TRAF3IP1: variants seen among roughly 807,000 people sequenced by gnomAD.
TRAF3IP1 encodes TRAF3-interacting protein 1.
A neutral mutation model predicts 89.9 loss-of-function variants in TRAF3IP1; 53 were observed. That is an observed-to-expected ratio of 0.59 (90% CI 0.47 to 0.74). The LOEUF (loss-of-function observed/expected upper bound fraction) is 0.74, where lower values mean the gene tolerates loss of function less well. Ranked by LOEUF, TRAF3IP1 falls within the 30% of genes least tolerant of loss-of-function variation. The pLI, the probability that TRAF3IP1 is intolerant of heterozygous loss-of-function variation, is 0.00. For synonymous variants in TRAF3IP1, 311 were observed against 322.1 expected (o/e 0.97, Z 0.37); for missense variants, 806 against 866.1 (o/e 0.93, Z 0.87).
At chr2:238,374,348 C>T (rs1442034996) in intron 15 of TRAF3IP1, among the ~76,000 whole-genome samples, 2 of 151,650 alleles carry the variant, frequency 1.3e-5, no homozygotes, top group Non-Finnish European at 3.0e-5. Flanking sequence ...GAAGGGCTGT[C>T]GAGTTTGGTC....
chr2:238,329,314 A>C lies in TRAF3IP1; in HGVS notation c.887A>C (p.Asn296Thr), dbSNP rs147990540. 5.3e-4 allele frequency: 749 copies of C among 1,406,114 alleles called. 1 individual carries two copies. The highest frequency in any genetic ancestry group is 6.7e-4 in the Non-Finnish European group (723 of 1,073,844). The allele number at this position is 1,406,114 out of a possible 1,614,324, so 87.1% of individuals were successfully genotyped here. Residue 296 changes from asparagine to threonine, a missense_variant, in exon 5 of 17, where the codon AAC (asparagine) becomes ACC (threonine). Transcript: ENST00000373327. ...TCCTGGGACCTGGACAGGGAGAAGA[A>C]CAGAGAGCATGACAAACCTGAGAAA... The part of the protein sequence containing the change: ...EHSWDLDREK[N>T]REHDKPEKKS...
chr2:238,355,074 T>C (rs1276982030), intron 14 of TRAF3IP1, among the ~76,000 whole-genome samples: 1 of 152,214 alleles, frequency 6.6e-6, no homozygotes, highest in Non-Finnish European at 1.5e-5. Context: ...TGCTTGCCAA[T>C]TGGATATCAC....
chr2:238,320,864 G>A, intron 1 of TRAF3IP1, 79 bp downstream of exon 1: 1 of 1,171,762 alleles, frequency 8.5e-7, no homozygotes, highest in South Asian at 3.4e-5. Flanking sequence ...GGGCCGGGTG[G>A]CGCCGGGTGC....
Position 238,349,323 on chromosome 2 carries a change from A to G in TRAF3IP1, c.1368-2A>G. The G allele has an allele frequency of 1.2e-6, 2 of 1,614,086 alleles. No homozygotes were observed. The highest frequency in any genetic ancestry group is 1.7e-6 in the Non-Finnish European group (2 of 1,179,998). Reference sequence around the variant, plus strand: ...TTTTGGTTTTCCAATATTTGGGTTTAGAAGAATTCCTCGGCCTGGGAGTGC... The same window carrying G: ...TTTTGGTTTTCCAATATTTGGGTTTGGAAGAATTCCTCGGCCTGGGAGTGC... On this transcript the variant is annotated splice_acceptor_variant, in intron 11 of 16. Coordinates refer to ENST00000373327, the MANE Select transcript of TRAF3IP1 (RefSeq NM_015650.4). LOFTEE classifies it high-confidence loss of function.
intron 15 of TRAF3IP1, among the ~76,000 whole-genome samples, chr2:238,359,797 C>T (rs1321620204): frequency 6.6e-6 from 1 of 152,192 alleles, no homozygotes; most frequent in African/African-American, 2.4e-5. Context: ...ATGCCTGAGA[C>T]TGTGGATAGT....
chr2:238,352,977 TTAA>T, intron 13 of TRAF3IP1, 27 bp downstream of exon 13: 1 of 1,595,510 alleles, frequency 6.3e-7, no homozygotes, highest in Non-Finnish European at 8.5e-7. Flanking sequence ...ATGATGTTTT[TTAA>T]TAATAATGTT....
At chr2:238,386,837 T>G (rs924415070) in intron 15 of TRAF3IP1, among the ~76,000 whole-genome samples, 8 of 152,220 alleles carry the variant, frequency 5.3e-5, no homozygotes, top group Admixed American at 3.9e-4. Context: ...TTACGCTGGC[T>G]TAACACATAA....
At chr2:238,376,925 C>T (rs890757908) in intron 15 of TRAF3IP1, among the ~76,000 whole-genome samples, 2 of 152,098 alleles carry the variant, frequency 1.3e-5, no homozygotes, top group African/African-American at 2.4e-5. Flanking sequence ...GAGACTCGGG[C>T]ACTGTTGTTA....
Position 238,384,611 on chromosome 2 carries a change from C to G in TRAF3IP1, c.1690-12848C>G, listed in dbSNP as rs191874809. On this transcript the variant is annotated intron_variant, in intron 15 of 16. Coordinates refer to ENST00000373327, the MANE Select transcript of TRAF3IP1 (RefSeq NM_015650.4). The stretch of plus-strand genomic sequence containing the variant: ...TGTTGGCCAGGCTGGTCTTGAGCTC[C>G]TGACCTTGTGATCTGCCCGCCTCAG... 2.8e-3 allele frequency among the ~76,000 whole-genome samples: 419 copies of G among 149,000 alleles called. 8 individuals are homozygous for G. The East Asian group carries it at 0.037, about 13-fold the overall frequency.
In TRAF3IP1 at chr2:238,374,498, CT is replaced by C. The variant is rs761939233; in HGVS notation, c.1689+18426del. On this transcript the variant is annotated intron_variant, in intron 15 of 16. Coordinates refer to ENST00000373327, the MANE Select transcript of TRAF3IP1 (RefSeq NM_015650.4). ...AGCCAACTTGACCATGGTGGATAAGCTTTTTTTTGATGTGCTGCTGGATTTG... is the reference window on the plus strand; with the variant it reads ...AGCCAACTTGACCATGGTGGATAAGCTTTTTTTGATGTGCTGCTGGATTTG... Among the ~76,000 whole-genome samples the C allele has an allele frequency of 2.9e-3, 442 of 152,040 alleles. 6 individuals carry two copies. The highest frequency in any genetic ancestry group is 4.2e-3 in the South Asian group (20 of 4,802).
chr2:238,373,546 TA>T (rs1350178799), intron 15 of TRAF3IP1, among the ~76,000 whole-genome samples: 3 of 152,232 alleles, frequency 2.0e-5, no homozygotes, highest in African/African-American at 7.2e-5. Context: ...CCTTGTAGTA[TA>T]GTTTGAAGTC....
At chr2:238,392,506 G>A (rs1701035441) in intron 15 of TRAF3IP1, among the ~76,000 whole-genome samples, 1 of 151,738 alleles carries the variant, frequency 6.6e-6, no homozygotes, top group African/African-American at 2.4e-5. Flanking sequence ...AACCTCTTGG[G>A]ATTCACTTTT....
intron 15 of TRAF3IP1, among the ~76,000 whole-genome samples, chr2:238,396,378 G>T (rs1334632682): frequency 8.5e-6 from 1 of 117,150 alleles, no homozygotes; most frequent in African/African-American, 3.3e-5. Context: ...GGGGCCTGTT[G>T]TGGGGTGGGG....
At chr2:238,376,966 A>G (rs1418248160) in intron 15 of TRAF3IP1, among the ~76,000 whole-genome samples, 2 of 152,158 alleles carry the variant, frequency 1.3e-5, no homozygotes, top group Admixed American at 1.3e-4. Context: ...TTTGGAGGTT[A>G]AGGAACGTGT....
chr2:238,363,960 A>C (rs1422241286), intron 15 of TRAF3IP1, among the ~76,000 whole-genome samples: 1 of 151,998 alleles, frequency 6.6e-6, no homozygotes, highest in Non-Finnish European at 1.5e-5. Context: ...ACTCTGTCTC[A>C]AAAAAAATAT....
At chr2:238,368,371 C>T (rs189046651) in intron 15 of TRAF3IP1, among the ~76,000 whole-genome samples, 10 of 152,214 alleles carry the variant, frequency 6.6e-5, no homozygotes, top group Non-Finnish European at 4.4e-5. Flanking sequence ...AGCAGTGATG[C>T]ATATATAATT....
intron 15 of TRAF3IP1, among the ~76,000 whole-genome samples, chr2:238,385,084 C>T (rs1372872862): frequency 2.6e-5 from 4 of 151,868 alleles, no homozygotes; most frequent in East Asian, 1.9e-4. Context: ...GGTGCGATCT[C>T]GGCTCACTGC....
chr2:238,345,854 C>T lies in TRAF3IP1; in HGVS notation c.1261+1256C>T, dbSNP rs534153146. ...AGTGCAGGAGCTGGCAGAGCACTGGCGCTGTGGAAGCACAGGCGTCGGGGA... is the reference window on the plus strand; with the variant it reads ...AGTGCAGGAGCTGGCAGAGCACTGGTGCTGTGGAAGCACAGGCGTCGGGGA... On this transcript the variant is annotated intron_variant, in intron 9 of 16. Coordinates refer to ENST00000373327, the MANE Select transcript of TRAF3IP1 (RefSeq NM_015650.4). This position sits in a 1 kb window ranked among gnomAD's most constrained non-coding sequence, Gnocchi z 4.7. Among the ~76,000 whole-genome samples the T allele has an allele frequency of 3.3e-5, 5 of 152,138 alleles. No homozygotes were observed. The highest frequency in any genetic ancestry group is 9.6e-5 in the African/African-American group (4 of 41,518).
intron 15 of TRAF3IP1, among the ~76,000 whole-genome samples, chr2:238,361,030 T>C (rs1014301393): frequency 6.6e-5 from 10 of 152,254 alleles, no homozygotes; most frequent in African/African-American, 2.4e-4. Context: ...TGTCTGACTT[T>C]GCCTTTTTAT....
Sources: allele counts gnomAD v4.1 joint callset (sites outside exome capture counted in the v4.1 genomes callset), GRCh38; gene constraint gnomAD v4.1.1; non-coding constraint Gnocchi (gnomAD v3.1); transcripts MANE v1.5; gene names NCBI Gene and HGNC (gene_info 2026-07-23, HGNC 2026-07-21).